Variants in TIGAR observed in about 807,000 individuals in gnomAD.
The protein encoded by TIGAR is fructose-2,6-bisphosphatase TIGAR.
Under a neutral mutation model 17.9 loss-of-function variants are expected in TIGAR, and 7 were observed. The observed-to-expected ratio is 0.39, with a 90% CI of 0.22 to 0.73. The LOEUF is 0.73. TIGAR is among the 30% of genes least tolerant of loss of function. TIGAR has a pLI of 0.42. For synonymous variants in TIGAR, 94 were observed against 108.6 expected (o/e 0.87, Z 0.84); for missense variants, 258 against 327.4 (o/e 0.79, Z 1.64).
intron 3 of TIGAR, among the ~76,000 whole-genome samples, chr12:4,343,906 A>G (rs575019904): frequency 6.6e-6 from 1 of 152,230 alleles, no homozygotes; most frequent in Non-Finnish European, 1.5e-5. Context: ...AGACAGAGAC[A>G]CAAAAAACCC....
Position 4,321,220 on chromosome 12 carries a change from A to T in TIGAR, c.-52A>T. ...AAGTGGTGTGGGGGAGGTAGCCCGC[A>T]GTGCAGGGGCAGCGCGGCGCGGGGC... On this transcript the variant is annotated 5_prime_UTR_variant, in exon 1 of 6. Transcript: ENST00000179259. This position sits in a 1 kb window ranked among gnomAD's most constrained non-coding sequence, Gnocchi z 5.2. 1.3e-6 allele frequency: 2 copies of T among 1,597,084 alleles called. No homozygotes were observed. The highest frequency in any genetic ancestry group is 2.7e-5 in the African/African-American group (2 of 74,886).
rs548070694 is a variant in TIGAR, at chr12:4,340,279, AAAG to A, written c.192+3126_192+3128del. ...ATATGCCAACAATGAATAATCTGAAAAAGAAGAAGTAATCTCATTTACAGTAGC... is the reference window on the plus strand; with the variant it reads ...ATATGCCAACAATGAATAATCTGAAAAAGAAGTAATCTCATTTACAGTAGC... On this transcript the variant is annotated intron_variant, in intron 3 of 5. Transcript: ENST00000179259. Among the ~76,000 whole-genome samples, 13 of 152,356 alleles carry A rather than the reference AAAG, an allele frequency of 8.5e-5. No individual in the cohort carries two copies. The South Asian group carries it at 1.4e-3, about 17-fold the overall frequency.
chr12:4,321,311 T>C lies in TIGAR; in HGVS notation c.32+8T>C, dbSNP rs1253705200. The C allele has an allele frequency of 4.4e-6, 7 of 1,601,042 alleles. No homozygotes were observed. Among genetic ancestry groups the C allele is most frequent in the Non-Finnish European group, 5.9e-6 (7 of 1,179,784 alleles). ...TCTGACTGTTGTCCGGCAGTGAGTA[T>C]GGCTGTGGCAGGATGTCTTTCTCTC... is the stretch of plus-strand genomic sequence containing the variant. On this transcript the variant is annotated splice_region_variant and intron_variant, in intron 1 of 5. Coordinates refer to ENST00000179259, the MANE Select transcript of TIGAR (RefSeq NM_020375.3). This position sits in a 1 kb window ranked among gnomAD's most constrained non-coding sequence, Gnocchi z 5.2.
rs1237599910 is a variant in TIGAR at position 4,351,254 on chromosome 12, TG to T, written c.271-11del. The stretch of plus-strand genomic sequence containing the variant: ...TTTCATTTGAGAAACTGTTATCTAT[TG>T]GACTGTTTCAGAAATACGGGGTTGT... On this transcript the variant is annotated splice_polypyrimidine_tract_variant and intron_variant, in intron 4 of 5. Coordinates refer to ENST00000179259, the MANE Select transcript of TIGAR (RefSeq NM_020375.3). 1 of 1,610,276 alleles carries T rather than the reference TG, an allele frequency of 6.2e-7. No homozygotes were observed.
Position 4,353,354 on chromosome 12 carries a change from C to G in TIGAR, c.*663C>G, listed in dbSNP as rs537080478. The G allele has an allele frequency of 1.3e-5, 2 of 152,272 alleles. No homozygotes were observed. The highest frequency in any genetic ancestry group is 2.9e-5 in the Non-Finnish European group (2 of 68,014). 9.4% of individuals were successfully genotyped at this position (152,272 alleles called of 1,614,324 possible). A position where few individuals can be genotyped will look rare whatever the true frequency, so the allele number is the denominator to read the frequency against. On this transcript the variant is annotated 3_prime_UTR_variant, in exon 6 of 6. Coordinates refer to ENST00000179259, the MANE Select transcript of TIGAR (RefSeq NM_020375.3). ...GCAGAAGATAGAAGAACAGCCTTTT[C>G]TAAATAATGCCTTGCCAAAGTCAAG...
chr12:4,329,603 C>T (rs961554743), intron 1 of TIGAR, among the ~76,000 whole-genome samples: 2 of 152,060 alleles, frequency 1.3e-5, no homozygotes, highest in African/African-American at 4.8e-5. Flanking sequence ...TCCCAATGTG[C>T]TGGAATTACG....
chr12:4,341,276 AGG>A (rs1396177961), intron 3 of TIGAR, among the ~76,000 whole-genome samples: 1 of 77,528 alleles, frequency 1.3e-5, no homozygotes, highest in Non-Finnish European at 3.7e-5. Context: ...TGACAAAGAG[AGG>A]GGGGGCGGTT....
intron 2 of TIGAR, among the ~76,000 whole-genome samples, chr12:4,336,406 C>G (rs1591661619): frequency 6.6e-6 from 1 of 150,696 alleles, no homozygotes. Flanking sequence ...TACTTTGTCC[C>G]TTGGAGATTT....
At chr12:4,349,740 A>G (rs1864817350) in intron 3 of TIGAR, 79 bp from the exon 4 acceptor site, 2 of 1,203,084 alleles carry the variant, frequency 1.7e-6, no homozygotes, top group Non-Finnish European at 1.2e-6. Context: ...ATTCACTAAG[A>G]TGACATAGAT....
intron 3 of TIGAR, among the ~76,000 whole-genome samples, chr12:4,339,968 G>A (rs1864701882): frequency 6.6e-6 from 1 of 152,214 alleles, no homozygotes; most frequent in Non-Finnish European, 1.5e-5. Context: ...GTCATACTGA[G>A]TGAGGAGAAA....
intron 5 of TIGAR, among the ~76,000 whole-genome samples, 193 bp downstream of exon 5, chr12:4,351,570 A>G (rs1419432367): frequency 6.6e-6 from 1 of 152,178 alleles, no homozygotes; most frequent in Non-Finnish European, 1.5e-5. Context: ...ATTATTGATA[A>G]TGGACTTAAG....
intron 2 of TIGAR, among the ~76,000 whole-genome samples, chr12:4,332,565 G>A (rs773887520): frequency 7.9e-5 from 12 of 152,182 alleles, no homozygotes; most frequent in Admixed American, 4.6e-4. Context: ...ATATTCCTAA[G>A]TACTGTTTTT....
intron 4 of TIGAR, among the ~76,000 whole-genome samples, 162 bp from the exon 5 acceptor site, chr12:4,351,105 A>C (rs1864833284): frequency 6.6e-6 from 1 of 152,228 alleles, no homozygotes; most frequent in Non-Finnish European, 1.5e-5. Flanking sequence ...ATGGCCCTCT[A>C]CTGAGTACAT....
chr12:4,321,370 G>A lies in TIGAR; in HGVS notation c.32+67G>A. On this transcript the variant is annotated intron_variant, in intron 1 of 5. Coordinates refer to ENST00000179259, the MANE Select transcript of TIGAR (RefSeq NM_020375.3). The surrounding 1 kb of genome is among the most constrained non-coding windows in gnomAD (Gnocchi z 5.2). ...TTGAGTGTGTTGGAGCGGGTGAAGG[G>A]AAAACGGGTCCACCACCCTCTCCCC... The A allele has an allele frequency of 1.3e-6, 2 of 1,590,850 alleles. No individual in the cohort carries two copies. The highest frequency in any genetic ancestry group is 1.3e-5 in the African/African-American group (1 of 74,472).
At chr12:4,348,911 A>C (rs985046255) in intron 3 of TIGAR, among the ~76,000 whole-genome samples, 2 of 152,258 alleles carry the variant, frequency 1.3e-5, no homozygotes, top group Non-Finnish European at 2.9e-5. Flanking sequence ...GAGTTACCAG[A>C]CATGAGCTTT....
At chr12:4,342,881 TAAC>T (rs1864739451) in intron 3 of TIGAR, among the ~76,000 whole-genome samples, 1 of 152,150 alleles carries the variant, frequency 6.6e-6, no homozygotes, top group Non-Finnish European at 1.5e-5. Flanking sequence ...AATTCACACA[TAAC>T]AATATTAACC....
chr12:4,326,459 G>GA (rs1386917942), intron 1 of TIGAR, among the ~76,000 whole-genome samples: 1 of 152,064 alleles, frequency 6.6e-6, no homozygotes, highest in African/African-American at 2.4e-5. Context: ...AAAGCTTTTG[G>GA]AAAAAAATCT....
chr12:4,330,453 G>A (rs1488046833), intron 1 of TIGAR, among the ~76,000 whole-genome samples: 1 of 152,156 alleles, frequency 6.6e-6, no homozygotes, highest in African/African-American at 2.4e-5. Context: ...AGCAATTCTA[G>A]TGGTAGGTTG....
At position 4,352,357 on chromosome 12, in the gene TIGAR, A is replaced by G. The variant is rs1399591333; in HGVS notation, c.479A>G (p.Asn160Ser). 1.9e-6 allele frequency: 3 copies of G among 1,614,192 alleles called. No individual in the cohort carries two copies. Among genetic ancestry groups the G allele is most frequent in the South Asian group, 2.2e-5 (2 of 91,082 alleles). Residue 160 changes from asparagine to serine, a missense_variant, in exon 6 of 6, where the codon AAC (asparagine) becomes AGC (serine). Coordinates refer to ENST00000179259, the MANE Select transcript of TIGAR (RefSeq NM_020375.3). ...KEQFSQGSPS[N>S]CLETSLAEIF... ...CAGTTTTCCCAAGGATCTCCAAGCA[A>G]CTGTCTGGAAACTTCTTTGGCAGAG...
Sources: gnomAD v4.1 joint callset for allele counts (sites outside exome capture counted in the v4.1 genomes callset) on GRCh38, gnomAD v4.1.1 for gene constraint, Gnocchi (gnomAD v3.1) non-coding constraint, MANE v1.5 for transcripts, NCBI Gene and HGNC (gene_info 2026-07-23, HGNC 2026-07-21) for gene names.